Variants in STUM observed in about 807,000 individuals in gnomAD.
STUM encodes the protein protein stum homolog.
Under a neutral mutation model 15.3 loss-of-function variants are expected in STUM, and 8 were observed. The ratio of observed to expected loss-of-function variants is 0.52; its 90% CI spans 0.31 to 0.94. STUM has a LOEUF of 0.94. STUM is among the 40% of genes least tolerant of loss of function. The probability of loss-of-function intolerance (pLI) is 0.05; values close to 1 mark genes in which losing one functional copy is unlikely to be tolerated. For synonymous variants in STUM, 78 were observed against 88.7 expected (o/e 0.88, Z 0.68); for missense variants, 142 against 204.9 (o/e 0.69, Z 1.87).
intron 2 of STUM, among the ~76,000 whole-genome samples, chr1:226,598,841 G>A (rs547280757): frequency 6.6e-6 from 1 of 152,222 alleles, no homozygotes; most frequent in Non-Finnish European, 1.5e-5. Flanking sequence ...AAACTTTTGA[G>A]AATGCTTTTG....
At chr1:226,592,344 C>T (rs373148169) in intron 1 of STUM, among the ~76,000 whole-genome samples, 5 of 152,186 alleles carry the variant, frequency 3.3e-5, no homozygotes, top group African/African-American at 9.7e-5. Flanking sequence ...CCACCACGCC[C>T]AGCCTTTTTC....
At position 226,548,803 on chromosome 1, in the gene STUM, C is replaced by G; in HGVS notation, c.-102C>G. On this transcript the variant is annotated 5_prime_UTR_variant, in exon 1 of 4. Transcript: ENST00000366788. ...GCACGGAGCACGGCGGCCGCCTGAG[C>G]TCGGCGCGGAGCCCGGAGCCCGCAG... 2.0e-6 allele frequency: 2 copies of G among 1,017,710 alleles called. No homozygotes were observed. Among genetic ancestry groups the G allele is most frequent in the Non-Finnish European group, 2.5e-6 (2 of 798,224 alleles). 63.0% of individuals were successfully genotyped at this position (1,017,710 alleles called of 1,614,324 possible).
chr1:226,585,075 A>T (rs1190199011), intron 1 of STUM, among the ~76,000 whole-genome samples: 1 of 152,218 alleles, frequency 6.6e-6, no homozygotes, highest in African/African-American at 2.4e-5. Context: ...CATCACAATT[A>T]TAATTTTTAC....
intron 2 of STUM, 83 bp downstream of exon 2, chr1:226,597,064 C>T (rs1273942006): frequency 1.4e-5 from 19 of 1,319,680 alleles, no homozygotes; most frequent in East Asian, 6.9e-5. Context: ...CATGTCTGGC[C>T]GAGGTCCTGC....
Position 226,600,713 on chromosome 1 carries a change from C to T in STUM, c.391+39C>T. ...TGGACGTGCGGGCCTCGTGCTGCTGCTTGGGGCCCTCCCCTCCCCCGAGAC... is the reference window on the plus strand; with the variant it reads ...TGGACGTGCGGGCCTCGTGCTGCTGTTTGGGGCCCTCCCCTCCCCCGAGAC... On this transcript the variant is annotated intron_variant, in intron 3 of 3. Transcript: ENST00000366788. This position sits in a 1 kb window ranked among gnomAD's most constrained non-coding sequence, Gnocchi z 5.2. 1 of 1,608,078 alleles carries T rather than the reference C, an allele frequency of 6.2e-7. No individual in the cohort carries two copies. The highest frequency in any genetic ancestry group is 8.5e-7 in the Non-Finnish European group (1 of 1,179,606).
chr1:226,605,833 G>A lies in STUM; in HGVS notation c.*3793G>A, dbSNP rs957034352. ...CCCAGAAAGGTGCCCCTTCCTGAGGGTGTTGGGGGATGGCGGCAGAGAGAC... is the reference window on the plus strand; with the variant it reads ...CCCAGAAAGGTGCCCCTTCCTGAGGATGTTGGGGGATGGCGGCAGAGAGAC... On this transcript the variant is annotated 3_prime_UTR_variant, in exon 4 of 4. Transcript: ENST00000366788. This position sits in a 1 kb window ranked among gnomAD's most constrained non-coding sequence, Gnocchi z 4.0. 6.6e-6 allele frequency: 1 copy of A among 152,362 alleles called. No homozygotes were observed. The highest frequency in any genetic ancestry group is 1.9e-4 in the East Asian group (1 of 5,168). The allele number at this position is 152,362 out of a possible 1,614,324, so 9.4% of individuals were successfully genotyped here. A position where few individuals can be genotyped will look rare whatever the true frequency, so the allele number is the denominator to read the frequency against.
At position 226,608,628 on chromosome 1, in the gene STUM, G is replaced by T. The variant is rs1316695158; in HGVS notation, c.*6588G>T. Reference sequence around the variant, plus strand: ...TCACTGTTCTTAGAGAAGACCCTGAGCTCCTGGGGTTTTCTTGTCTCACTT... The same window carrying T: ...TCACTGTTCTTAGAGAAGACCCTGATCTCCTGGGGTTTTCTTGTCTCACTT... On this transcript the variant is annotated 3_prime_UTR_variant, in exon 4 of 4. Transcript: ENST00000366788. This position sits in a 1 kb window ranked among gnomAD's most constrained non-coding sequence, Gnocchi z 4.0. 6 of 152,182 alleles carry T rather than the reference G, an allele frequency of 3.9e-5. No individual in the cohort carries two copies. The highest frequency in any genetic ancestry group is 1.4e-4 in the African/African-American group (6 of 41,430). The allele number at this position is 152,182 out of a possible 1,614,324, so 9.4% of individuals were successfully genotyped here.
chr1:226,601,150 A>G (rs1668256421), intron 3 of STUM, among the ~76,000 whole-genome samples: 1 of 151,940 alleles, frequency 6.6e-6, no homozygotes, highest in Admixed American at 6.5e-5. Context: ...CTTTTGAGAC[A>G]GAGTCTTGCT....
In STUM at chr1:226,600,473, A is replaced by G. The variant is rs1280248053; in HGVS notation, c.383-193A>G. On this transcript the variant is annotated intron_variant, in intron 2 of 3. Transcript: ENST00000366788. The surrounding 1 kb of genome is among the most constrained non-coding windows in gnomAD (Gnocchi z 5.2). ...GGCCACTGTGGCTGTCACCATGAGTACTGAGCACTCCCTGCCTGGGGATGG... is the reference window on the plus strand; with the variant it reads ...GGCCACTGTGGCTGTCACCATGAGTGCTGAGCACTCCCTGCCTGGGGATGG... 4 of 655,944 alleles carry G rather than the reference A, an allele frequency of 6.1e-6. No individual in the cohort carries two copies. Among genetic ancestry groups the G allele is most frequent in the South Asian group, 1.8e-5 (1 of 56,328 alleles). The allele number at this position is 655,944 out of a possible 1,614,324, so 40.6% of individuals were successfully genotyped here. A position where few individuals can be genotyped will look rare whatever the true frequency, so the allele number is the denominator to read the frequency against.
intron 1 of STUM, among the ~76,000 whole-genome samples, chr1:226,560,341 C>T (rs1304946164): frequency 6.6e-6 from 1 of 152,126 alleles, no homozygotes; most frequent in Non-Finnish European, 1.5e-5. Context: ...GTTTGGGAAC[C>T]TTTTTGCCGT....
At chr1:226,590,266 C>T (rs1668065834) in intron 1 of STUM, among the ~76,000 whole-genome samples, 1 of 152,172 alleles carries the variant, frequency 6.6e-6, no homozygotes, top group African/African-American at 2.4e-5. Flanking sequence ...GAATCCACAC[C>T]TCCATTCTCT....
chr1:226,585,458 T>C (rs1667982401), intron 1 of STUM, among the ~76,000 whole-genome samples: 1 of 152,224 alleles, frequency 6.6e-6, no homozygotes, highest in Non-Finnish European at 1.5e-5. Flanking sequence ...CTACTATCAT[T>C]GTGCGTTTCG....
intron 1 of STUM, among the ~76,000 whole-genome samples, chr1:226,595,926 T>G (rs1477450259): frequency 6.6e-6 from 1 of 152,254 alleles, no homozygotes; most frequent in East Asian, 1.9e-4. Context: ...GTGTGGCTTT[T>G]AACCATGAGG....
intron 1 of STUM, among the ~76,000 whole-genome samples, chr1:226,577,975 C>G (rs1296247224): frequency 6.6e-6 from 1 of 152,164 alleles, no homozygotes; most frequent in Non-Finnish European, 1.5e-5. Context: ...AGGTCTGCCC[C>G]CTCGGCCTCT....
intron 1 of STUM, among the ~76,000 whole-genome samples, chr1:226,571,046 A>G (rs1049908551): frequency 1.7e-4 from 26 of 152,082 alleles, no homozygotes; most frequent in African/African-American, 6.3e-4. Flanking sequence ...GCCTGGTCAA[A>G]ATGGTGAAAC....
chr1:226,590,901 AT>A (rs1668074083), intron 1 of STUM, among the ~76,000 whole-genome samples: 1 of 152,152 alleles, frequency 6.6e-6, no homozygotes, highest in Non-Finnish European at 1.5e-5. Context: ...GCCAAACAGA[AT>A]TCATCACTGT....
chr1:226,575,509 G>A (rs1205259825), intron 1 of STUM, among the ~76,000 whole-genome samples: 2 of 152,214 alleles, frequency 1.3e-5, no homozygotes, highest in African/African-American at 2.4e-5. Context: ...GGACTGGGCC[G>A]CGAGGCCTGG....
intron 1 of STUM, among the ~76,000 whole-genome samples, chr1:226,556,409 T>C (rs1483360073): frequency 1.3e-5 from 2 of 152,204 alleles, no homozygotes; most frequent in Non-Finnish European, 1.5e-5. Flanking sequence ...GACAGTAGTG[T>C]GTGCTTTAAT....
chr1:226,559,323 G>A (rs1298399489), intron 1 of STUM, among the ~76,000 whole-genome samples: 1 of 152,150 alleles, frequency 6.6e-6, no homozygotes, highest in Non-Finnish European at 1.5e-5. Context: ...AAGAACTTTA[G>A]GGCGGCTGCA....
Sources: allele counts gnomAD v4.1 joint callset (sites outside exome capture counted in the v4.1 genomes callset), GRCh38; gene constraint gnomAD v4.1.1; non-coding constraint Gnocchi (gnomAD v3.1); transcripts MANE v1.5; gene names NCBI Gene and HGNC (gene_info 2026-07-23, HGNC 2026-07-21).